Variants in MYT1L observed in about 807,000 individuals in gnomAD.
MYT1L encodes myelin transcription factor 1 like.
In MYT1L, 12 loss-of-function variants were observed where a neutral mutation model predicts 126.7. The ratio of observed to expected loss-of-function variants is 0.09; its 90% confidence interval spans 0.06 to 0.15. The LOEUF is 0.15. MYT1L is among the 10% of genes least tolerant of loss of function. The pLI, the probability that MYT1L is intolerant of heterozygous loss-of-function variation, is 1.00. For missense variants in MYT1L, 979 were observed against 1,585.2 expected, an observed-to-expected ratio of 0.62 and a Z score of 6.49; for synonymous variants, 541 against 604.2, an observed-to-expected ratio of 0.90 and a Z score of 1.53.
Position 1,979,216 on chromosome 2 carries a change from G to A in MYT1L, c.101C>T (p.Pro34Leu). ...GACATGACCACTGCCGTCACAGCCA[G>A]GGGTGGGACAGCTGCAACAGGAAAG... ...AIQELFSCPT[P>L]GCDGSGHVSG... The change falls in exon 8 of 25, where the codon CCT becomes CTT. Residue 34 changes from proline (P) to leucine (L), a missense_variant. By Grantham distance (98) the Pro-to-Leu change is moderately conservative (BLOSUM62 -3). Around this residue, in one of 12 missense-constraint regions of MYT1L, gnomAD observed 50 missense variants for 48.6 expected, o/e 1.03. Transcript: ENST00000647738. The surrounding 1 kb of genome is among the most constrained non-coding windows in gnomAD (Gnocchi z 4.0). 1 of 1,613,820 alleles carries A rather than the reference G, an allele frequency of 6.2e-7. No individual in the cohort carries two copies. Among genetic ancestry groups the A allele is most frequent in the Non-Finnish European group, 8.5e-7 (1 of 1,179,808 alleles).
chr2:2,017,059 G>A (rs946594939), intron 4 of MYT1L, among the ~76,000 whole-genome samples: 3 of 152,232 alleles, frequency 2.0e-5, no homozygotes, highest in Admixed American at 1.3e-4. Context: ...AGCCAGGTGG[G>A]GAGGCAGGCT....
intron 11 of MYT1L, among the ~76,000 whole-genome samples, chr2:1,916,910 G>A (rs1402802047): frequency 6.6e-6 from 1 of 152,202 alleles, no homozygotes; most frequent in Non-Finnish European, 1.5e-5. Context: ...AAAGATGCCT[G>A]GAAGCAACCT....
chr2:2,110,160 T>C (rs746896992), intron 3 of MYT1L, among the ~76,000 whole-genome samples: 1 of 151,632 alleles, frequency 6.6e-6, no homozygotes, highest in Non-Finnish European at 1.5e-5. Flanking sequence ...GGTCGTGCCA[T>C]AACCAGTCAT....
At chr2:2,152,144 T>C (rs887036821) in intron 3 of MYT1L, among the ~76,000 whole-genome samples, 2 of 152,230 alleles carry the variant, frequency 1.3e-5, no homozygotes, top group Admixed American at 1.3e-4. Flanking sequence ...GGGGCCATTA[T>C]AAAGTCAAAT....
At chr2:2,264,016 A>C (rs972808810) in intron 2 of MYT1L, among the ~76,000 whole-genome samples, 20 of 152,222 alleles carry the variant, frequency 1.3e-4, no homozygotes, top group African/African-American at 4.3e-4. Flanking sequence ...TACTGTAATA[A>C]TAAAAATCTT....
intron 4 of MYT1L, among the ~76,000 whole-genome samples, chr2:2,002,777 C>A (rs112096056): frequency 6.6e-6 from 1 of 152,070 alleles, no homozygotes; most frequent in Non-Finnish European, 1.5e-5. Flanking sequence ...AACTGGATCA[C>A]GGGGGCGGGG....
intron 4 of MYT1L, among the ~76,000 whole-genome samples, chr2:2,034,353 A>C (rs1332692478): frequency 3.6e-5 from 4 of 109,660 alleles, no homozygotes; most frequent in Non-Finnish European, 3.7e-5. Flanking sequence ...AACAATCTCC[A>C]CCCTCCAATG....
At chr2:2,249,542 G>T (rs956115858) in intron 2 of MYT1L, among the ~76,000 whole-genome samples, 3 of 151,736 alleles carry the variant, frequency 2.0e-5, no homozygotes, top group African/African-American at 7.3e-5. Context: ...TGAATTAAAG[G>T]CTTAAATGTA....
intron 3 of MYT1L, among the ~76,000 whole-genome samples, chr2:2,110,076 G>C (rs1301073307): frequency 1.3e-5 from 2 of 151,606 alleles, no homozygotes; most frequent in African/African-American, 2.4e-5. Context: ...GGTTGGACGT[G>C]CCTCCATGGT....
chr2:2,072,208 T>C (rs886480419), intron 3 of MYT1L, among the ~76,000 whole-genome samples: 4 of 152,190 alleles, frequency 2.6e-5, no homozygotes, highest in Non-Finnish European at 5.9e-5. Flanking sequence ...TTGAAAGCTG[T>C]TGTTCTCTGA....
At chr2:2,201,457 T>C (rs1269979298) in intron 2 of MYT1L, among the ~76,000 whole-genome samples, 1 of 152,168 alleles carries the variant, frequency 6.6e-6, no homozygotes, top group Non-Finnish European at 1.5e-5. Context: ...CTCATCACTT[T>C]GGGAGACCAA....
At chr2:1,839,412 C>G (rs767499945) in intron 20 of MYT1L, 42 bp from the exon 21 acceptor site, 1 of 1,558,980 alleles carries the variant, frequency 6.4e-7, no homozygotes, top group Non-Finnish European at 8.8e-7. Context: ...GTCTGGCCAC[C>G]GTCGCCTGGT....
chr2:2,153,014 A>T (rs2086065768), intron 3 of MYT1L, among the ~76,000 whole-genome samples: 1 of 152,152 alleles, frequency 6.6e-6, no homozygotes, highest in Non-Finnish European at 1.5e-5. Context: ...AAAATATAAG[A>T]GGTCCAGGCA....
At chr2:1,918,627 T>G (rs1380259875) in intron 10 of MYT1L, among the ~76,000 whole-genome samples, 1 of 152,230 alleles carries the variant, frequency 6.6e-6, no homozygotes, top group African/African-American at 2.4e-5. Flanking sequence ...AATGCCATCA[T>G]GTTCATATAA....
At chr2:2,143,983 C>T (rs1300642203) in intron 3 of MYT1L, among the ~76,000 whole-genome samples, 4 of 151,754 alleles carry the variant, frequency 2.6e-5, no homozygotes, top group Admixed American at 6.6e-5. Flanking sequence ...GGGAGGGGCG[C>T]AAGGGTTGAA....
chr2:2,004,446 CAGGCGTTCTTTCCTGA>C, intron 4 of MYT1L, among the ~76,000 whole-genome samples: 1 of 145,618 alleles, frequency 6.9e-6, no homozygotes, highest in African/African-American at 2.6e-5. Context: ...TTCTTTCCTG[CAGGCGTTCTTTCCTGA>C]ATATGTTCTT....
At chr2:1,883,019 G>A (rs1424995796) in intron 18 of MYT1L, among the ~76,000 whole-genome samples, 2 of 152,170 alleles carry the variant, frequency 1.3e-5, no homozygotes, top group Non-Finnish European at 2.9e-5. Context: ...CTGCGCGTAC[G>A]GGACCATCGC....
intron 4 of MYT1L, among the ~76,000 whole-genome samples, chr2:2,050,519 G>T (rs183067317): frequency 6.6e-6 from 1 of 152,164 alleles, no homozygotes; most frequent in African/African-American, 2.4e-5. Context: ...CTGCGGAGGC[G>T]CCACAGGTGT....
chr2:2,019,834 T>A (rs568218825), intron 4 of MYT1L, among the ~76,000 whole-genome samples: 4 of 152,286 alleles, frequency 2.6e-5, no homozygotes, highest in African/African-American at 9.6e-5. Context: ...TGATAACATT[T>A]ACATGCCAGT....
Sources: gnomAD v4.1 joint callset for allele counts (sites outside exome capture counted in the v4.1 genomes callset) on GRCh38, gnomAD v4.1.1 for gene constraint, gnomAD v4.1.1 regional missense constraint, Gnocchi (gnomAD v3.1) non-coding constraint, MANE v1.5 for transcripts, NCBI Gene and HGNC (gene_info 2026-07-23, HGNC 2026-07-21) for gene names.